ANO10: variants seen among roughly 807,000 people sequenced by gnomAD.
ANO10 encodes anoctamin 10, also known as anoctamin-10.
ANO10 carries 77 observed loss-of-function variants against 74.7 expected under a neutral mutation model. That is an observed-to-expected ratio of 1.03 (90% CI 0.86 to 1.25). The LOEUF (loss-of-function observed/expected upper bound fraction) is 1.25, where lower values mean the gene tolerates loss of function less well. Ranked by LOEUF, ANO10 falls within the 50% of genes most tolerant of loss-of-function variation. ANO10 has a pLI of 0.00. For missense variants in ANO10, 721 were observed against 778.1 expected (o/e 0.93, Z 0.87); for synonymous variants, 279 against 284.9 (o/e 0.98, Z 0.21).
intron 12 of ANO10, among the ~76,000 whole-genome samples, chr3:43,419,144 A>C (rs2148909612): frequency 1.3e-5 from 2 of 152,360 alleles, no homozygotes; most frequent in South Asian, 4.1e-4. Flanking sequence ...GTGTCCTCAC[A>C]ACATGGCAGC....
chr3:43,496,369 G>A (rs1004938415), intron 11 of ANO10, among the ~76,000 whole-genome samples: 1 of 152,086 alleles, frequency 6.6e-6, no homozygotes, highest in Non-Finnish European at 1.5e-5. Flanking sequence ...TACCCTAGTG[G>A]TCTATTCCTA....
intron 4 of ANO10, among the ~76,000 whole-genome samples, chr3:43,580,995 AAT>A (rs1185993198): frequency 1.3e-5 from 2 of 152,194 alleles, no homozygotes; most frequent in African/African-American, 4.8e-5. Flanking sequence ...TCTATTTAAA[AAT>A]ATGTTTCCTT....
chr3:43,685,116 TAA>T (rs1431735983), intron 1 of ANO10, among the ~76,000 whole-genome samples: 2 of 152,262 alleles, frequency 1.3e-5, no homozygotes, highest in Admixed American at 6.5e-5. Flanking sequence ...TTATTTTATC[TAA>T]GTCATCAAAT....
At chr3:43,639,474 G>C (rs1304275443) in intron 1 of ANO10, among the ~76,000 whole-genome samples, 1 of 152,158 alleles carries the variant, frequency 6.6e-6, no homozygotes, top group Non-Finnish European at 1.5e-5. Flanking sequence ...TGAAAATACA[G>C]ACAATTCTGG....
intron 4 of ANO10, among the ~76,000 whole-genome samples, chr3:43,596,860 T>C (rs1176606297): frequency 6.6e-6 from 1 of 152,168 alleles, no homozygotes; most frequent in African/African-American, 2.4e-5. Flanking sequence ...TTGCAATCTA[T>C]CCATCTGACA....
At chr3:43,574,714 T>C (rs2080914049) in intron 7 of ANO10, 95 bp downstream of exon 7, 1 of 978,354 alleles carries the variant, frequency 1.0e-6, no homozygotes, top group Admixed American at 2.0e-5. Flanking sequence ...ATTGATATCT[T>C]AGATTAGAAG....
chr3:43,690,905 C>G, intron 1 of ANO10: 2 of 1,408,350 alleles, frequency 1.4e-6, no homozygotes, highest in Non-Finnish European at 1.9e-6. Flanking sequence ...CGGCCTGCGC[C>G]GCCTTAAGTG....
At chr3:43,643,985 T>C (rs1340019423) in intron 1 of ANO10, among the ~76,000 whole-genome samples, 1 of 152,142 alleles carries the variant, frequency 6.6e-6, no homozygotes, top group Non-Finnish European at 1.5e-5. Flanking sequence ...CTGAGATAAC[T>C]TGAAATTGGT....
At position 43,632,296 on chromosome 3, in the gene ANO10, T is replaced by G. The variant is rs147474713; in HGVS notation, c.-11-26433A>C. On this transcript the variant is annotated intron_variant, in intron 1 of 3. Coordinates refer to the ANO10 transcript ENST00000413397. ...GGCTTCCTTGTCTTCTGGTTCCTGA[T>G]TGGGTTCAGTTAATGGGAGCACTGG... Among the ~76,000 whole-genome samples, 114 of 152,306 alleles carry G rather than the reference T, an allele frequency of 7.5e-4. 1 individual carries two copies. Among genetic ancestry groups the G allele is most frequent in the African/African-American group, 2.6e-3 (110 of 41,572 alleles).
chr3:43,564,896 C>T (rs1050136077), intron 8 of ANO10, among the ~76,000 whole-genome samples: 1 of 152,140 alleles, frequency 6.6e-6, no homozygotes, highest in Non-Finnish European at 1.5e-5. Context: ...AAAGGAGACT[C>T]TCTAAAGCAG....
intron 1 of ANO10, among the ~76,000 whole-genome samples, chr3:43,647,717 C>A (rs2149566717): frequency 6.6e-6 from 1 of 152,250 alleles, no homozygotes; most frequent in Non-Finnish European, 1.5e-5. Context: ...AATTACTTTT[C>A]AGCCATATCC....
intron 1 of ANO10, among the ~76,000 whole-genome samples, chr3:43,619,493 T>C (rs990806943): frequency 1.3e-5 from 2 of 152,196 alleles, no homozygotes; most frequent in African/African-American, 4.8e-5. Flanking sequence ...AGGAAATTTG[T>C]ACTATTTTTG....
intron 1 of ANO10, among the ~76,000 whole-genome samples, chr3:43,619,410 A>G (rs531654816): frequency 5.9e-5 from 9 of 152,300 alleles, no homozygotes; most frequent in African/African-American, 2.2e-4. Flanking sequence ...ATCAATGTCA[A>G]TTTTCTGGTT....
intron 1 of ANO10, among the ~76,000 whole-genome samples, chr3:43,608,779 C>G (rs1190015986): frequency 6.6e-6 from 1 of 152,018 alleles, no homozygotes; most frequent in African/African-American, 2.4e-5. Context: ...TGGGGTCTCC[C>G]TATGTTGTCC....
intron 11 of ANO10, among the ~76,000 whole-genome samples, chr3:43,456,951 T>C (rs2075156910): frequency 6.6e-6 from 1 of 152,332 alleles, no homozygotes; most frequent in East Asian, 1.9e-4. Context: ...ATCTATAATG[T>C]GCCATGACAA....
intron 11 of ANO10, among the ~76,000 whole-genome samples, chr3:43,448,299 CT>C (rs1158609803): frequency 6.6e-6 from 1 of 151,976 alleles, no homozygotes; most frequent in Non-Finnish European, 1.5e-5. Flanking sequence ...TTTTACTGCC[CT>C]AAAAACCCCT....
At chr3:43,526,237 T>C (rs1351541831) in intron 11 of ANO10, among the ~76,000 whole-genome samples, 1 of 152,226 alleles carries the variant, frequency 6.6e-6, no homozygotes, top group Non-Finnish European at 1.5e-5. Flanking sequence ...AATTGTCCTG[T>C]GCAGCCACCA....
At chr3:43,674,113 C>T (rs1258332425) in intron 1 of ANO10, among the ~76,000 whole-genome samples, 2 of 152,148 alleles carry the variant, frequency 1.3e-5, no homozygotes, top group Non-Finnish European at 2.9e-5. Context: ...GATATTCACC[C>T]ACATGTCTAC....
intron 12 of ANO10, among the ~76,000 whole-genome samples, chr3:43,411,477 G>A (rs1404328493): frequency 2.6e-5 from 4 of 152,190 alleles, no homozygotes; most frequent in Admixed American, 6.5e-5. Flanking sequence ...TAATCCTTCA[G>A]AAGCCCAAGA....
Sources: allele counts gnomAD v4.1 joint callset (sites outside exome capture counted in the v4.1 genomes callset), GRCh38; gene constraint gnomAD v4.1.1; transcripts MANE v1.5; gene names NCBI Gene and HGNC (gene_info 2026-07-23, HGNC 2026-07-21).